The following CCDC7 variants were observed in gnomAD, a reference collection of about 807,000 sequenced individuals.
The protein encoded by CCDC7 is coiled-coil domain containing 7.
In CCDC7, 183 loss-of-function variants were observed where a neutral mutation model predicts 196.9. The ratio of observed to expected loss-of-function variants is 0.93; its 90% CI spans 0.82 to 1.05. The LOEUF (loss-of-function observed/expected upper bound fraction) is 1.05, where lower values mean the gene tolerates loss of function less well. Among genes scored for constraint, CCDC7 ranks in the 50% least tolerant of loss-of-function variants. The pLI is 0.00. For missense variants in CCDC7, 1,540 were observed against 1,482.2 expected (o/e 1.04, Z -0.64); for synonymous variants, 525 against 484.6 (o/e 1.08, Z -1.10).
intron 18 of CCDC7, among the ~76,000 whole-genome samples, chr10:32,613,425 T>A (rs1297047479): frequency 6.6e-6 from 1 of 152,210 alleles, no homozygotes; most frequent in African/African-American, 2.4e-5. Flanking sequence ...AGTTTTGCTC[T>A]GATGTTAGTA....
At chr10:32,714,667 CA>C (rs1363933697) in intron 25 of CCDC7, among the ~76,000 whole-genome samples, 2 of 152,208 alleles carry the variant, frequency 1.3e-5, no homozygotes, top group African/African-American at 2.4e-5. Context: ...TCGCAGCCAG[CA>C]CAGCAGTCTG....
intron 21 of CCDC7, among the ~76,000 whole-genome samples, chr10:32,685,241 G>A (rs1049464195): frequency 2.8e-5 from 4 of 142,806 alleles, no homozygotes; most frequent in Admixed American, 7.1e-5. Context: ...ATTATCTCCT[G>A]GAAATCCCTA....
intron 25 of CCDC7, among the ~76,000 whole-genome samples, chr10:32,713,930 A>G (rs895571370): frequency 6.6e-6 from 1 of 152,232 alleles, no homozygotes; most frequent in African/African-American, 2.4e-5. Flanking sequence ...AATTGAAATA[A>G]CTGAATCTAG....
At chr10:32,524,403 G>A (rs1458576253) in intron 11 of CCDC7, among the ~76,000 whole-genome samples, 1 of 152,174 alleles carries the variant, frequency 6.6e-6, no homozygotes, top group African/African-American at 2.4e-5. Flanking sequence ...TAAGTCAAGA[G>A]TAGTTTACAC....
intron 8 of CCDC7, among the ~76,000 whole-genome samples, chr10:32,482,839 T>A (rs2040244852): frequency 6.6e-6 from 1 of 152,200 alleles, no homozygotes; most frequent in African/African-American, 2.4e-5. Flanking sequence ...CATCCTTTTT[T>A]ATGGCTGCAT....
rs939492645 is a variant in CCDC7, at chr10:32,636,775, C to G, written c.2014+1617C>G. Among the ~76,000 whole-genome samples, 4 of 152,302 alleles carry G rather than the reference C, an allele frequency of 2.6e-5. No individual in the cohort carries two copies. In the South Asian group the frequency reaches 8.3e-4, roughly 32 times the overall value. ...GGGATGGCTGGGTCAAATGGTATTT[C>G]TAGTTCCAGATCCCTGAAGAATCGC... On this transcript the variant is annotated intron_variant, in intron 20 of 41. Coordinates refer to ENST00000639629, the Ensembl canonical transcript of CCDC7.
chr10:32,667,730 C>G (rs1260390183), intron 21 of CCDC7, among the ~76,000 whole-genome samples: 2 of 152,258 alleles, frequency 1.3e-5, no homozygotes, highest in African/African-American at 2.4e-5. Context: ...TGGTCCATAT[C>G]TCTGTTTTGG....
At chr10:32,783,092 A>T (rs1010895453) in intron 29 of CCDC7, among the ~76,000 whole-genome samples, 1 of 152,244 alleles carries the variant, frequency 6.6e-6, no homozygotes, top group African/African-American at 2.4e-5. Flanking sequence ...CCTTCATGAC[A>T]TTGAAGTTAG....
intron 28 of CCDC7, among the ~76,000 whole-genome samples, chr10:32,771,782 C>T (rs1392108961): frequency 6.6e-6 from 1 of 152,148 alleles, no homozygotes; most frequent in South Asian, 2.1e-4. Flanking sequence ...GAACTGGTCC[C>T]ACAGGCAGAC....
intron 18 of CCDC7, among the ~76,000 whole-genome samples, chr10:32,620,532 G>A (rs541207367): frequency 6.0e-5 from 9 of 149,216 alleles, no homozygotes; most frequent in South Asian, 2.1e-4. Context: ...TAATTCCTCC[G>A]TAATTCTGGT....
At chr10:32,727,800 A>G (rs577698152) in intron 26 of CCDC7, among the ~76,000 whole-genome samples, 1 of 152,306 alleles carries the variant, frequency 6.6e-6, no homozygotes, top group Admixed American at 6.5e-5. Flanking sequence ...GTCACAGAAC[A>G]TATGACCTGC....
At chr10:32,732,007 G>A (rs528160763) in intron 28 of CCDC7, among the ~76,000 whole-genome samples, 1 of 152,058 alleles carries the variant, frequency 6.6e-6, no homozygotes, top group South Asian at 2.1e-4. Context: ...GAGCTGAATC[G>A]GCCACTGCAC....
intron 21 of CCDC7, among the ~76,000 whole-genome samples, chr10:32,680,766 A>G (rs1335068): frequency 0.34 from 52,158 of 152,074 alleles, 11,343 homozygotes; most frequent in Non-Finnish European, 0.49. Flanking sequence ...TGCTTAAAAA[A>G]TGTACTTCTT....
At chr10:32,447,718 G>T (rs2031760966), upstream of CCDC7, among the ~76,000 whole-genome samples, 1 of 151,940 alleles carries the variant, frequency 6.6e-6, no homozygotes, top group Admixed American at 6.6e-5. Flanking sequence ...CTTGGCCAAC[G>T]TGGTGAAACC....
At chr10:32,544,193 G>A in intron 12 of CCDC7, 54 bp from the exon 14 acceptor site, 7 of 1,466,186 alleles carry the variant, frequency 4.8e-6, no homozygotes, top group Non-Finnish European at 6.5e-6. Context: ...AGAAAGCAAA[G>A]CAGTGATGCA....
intron 31 of CCDC7, among the ~76,000 whole-genome samples, chr10:32,815,578 A>G (rs1485791727): frequency 6.6e-6 from 1 of 152,202 alleles, no homozygotes; most frequent in African/African-American, 2.4e-5. Flanking sequence ...ATAAGAAAAA[A>G]TATTTGAAGA....
chr10:32,596,219 T>C (rs2060336793), intron 18 of CCDC7, among the ~76,000 whole-genome samples: 1 of 152,242 alleles, frequency 6.6e-6, no homozygotes, highest in South Asian at 2.1e-4. Context: ...TGGGTGCTCC[T>C]GTATTGGGTG....
intron 41 of CCDC7, among the ~76,000 whole-genome samples, chr10:32,871,406 C>G (rs1194028421): frequency 4.7e-4 from 72 of 152,140 alleles, no homozygotes; most frequent in African/African-American, 1.7e-3. Context: ...TTATAGTATT[C>G]TCTGATGGTA....
At chr10:32,572,278 T>C (rs1382548050) in intron 16 of CCDC7, among the ~76,000 whole-genome samples, 12 of 152,158 alleles carry the variant, frequency 7.9e-5, no homozygotes, top group African/African-American at 2.9e-4. Flanking sequence ...TCAGTTACTA[T>C]ATGCACACAT....
Sources: allele counts gnomAD v4.1 joint callset (sites outside exome capture counted in the v4.1 genomes callset), GRCh38; gene constraint gnomAD v4.1.1; transcripts MANE v1.5; gene names NCBI Gene and HGNC (gene_info 2026-07-23, HGNC 2026-07-21).